The following THRB variants were observed in gnomAD, a reference collection of about 807,000 sequenced individuals.
THRB encodes the protein thyroid hormone receptor beta, also known as nuclear receptor subfamily 1 group A member 2.
THRB carries 12 observed loss-of-function variants against 47.8 expected under a neutral mutation model. That is an observed-to-expected ratio of 0.25 (90% CI 0.16 to 0.41). THRB has a LOEUF of 0.41. Ranked by LOEUF, THRB falls within the 10% of genes least tolerant of loss-of-function variation. The pLI is 1.00. For synonymous variants in THRB, 218 were observed against 212.2 expected (o/e 1.03, Z -0.24); for missense variants, 348 against 589.2 (o/e 0.59, Z 4.24).
intron 4 of THRB, 77 bp from the exon 5 acceptor site, chr3:24,190,411 C>T: frequency 6.4e-7 from 1 of 1,566,750 alleles, no homozygotes. Flanking sequence ...TTTTGGAAGG[C>T]AAGTTGTTTC....
chr3:24,456,755 C>T (rs557107788), intron 1 of THRB, among the ~76,000 whole-genome samples: 1 of 151,704 alleles, frequency 6.6e-6, no homozygotes, highest in Non-Finnish European at 1.5e-5. Context: ...AGATAGTATA[C>T]AATATCTTAT....
chr3:24,172,394 G>C (rs2149365024), intron 5 of THRB, among the ~76,000 whole-genome samples: 1 of 152,114 alleles, frequency 6.6e-6, no homozygotes, highest in South Asian at 2.1e-4. Flanking sequence ...GGGCCTCTTG[G>C]GCTCTTGAAT....
At chr3:24,349,329 T>G (rs75833326) in intron 1 of THRB, among the ~76,000 whole-genome samples, 1 of 152,016 alleles carries the variant, frequency 6.6e-6, no homozygotes, top group Admixed American at 6.6e-5. Context: ...AGTCTTGGGT[T>G]TTTTTTTCTG....
At chr3:24,469,771 A>G (rs1255071027) in intron 1 of THRB, among the ~76,000 whole-genome samples, 1 of 152,204 alleles carries the variant, frequency 6.6e-6, no homozygotes, top group East Asian at 1.9e-4. Context: ...CGCGTGGTAA[A>G]GAGTGAGGTA....
chr3:24,492,308 T>C (rs754109406), intron 1 of THRB, among the ~76,000 whole-genome samples: 3 of 152,034 alleles, frequency 2.0e-5, no homozygotes, highest in East Asian at 1.9e-4. Context: ...CAAGCATCAA[T>C]TGAAATGAAC....
chr3:24,471,907 T>C (rs1038612563), intron 1 of THRB, among the ~76,000 whole-genome samples: 1 of 152,188 alleles, frequency 6.6e-6, no homozygotes, highest in Admixed American at 6.5e-5. Flanking sequence ...GGCTTCCCTT[T>C]GTTCCTCCCT....
intron 10 of THRB, among the ~76,000 whole-genome samples, chr3:24,126,204 G>T (rs2032766204): frequency 6.6e-6 from 1 of 151,946 alleles, no homozygotes; most frequent in Admixed American, 6.6e-5. Flanking sequence ...ACCAGACTGG[G>T]CAACATAGTG....
At chr3:24,198,072 G>A (rs1336390924) in intron 4 of THRB, among the ~76,000 whole-genome samples, 2 of 152,146 alleles carry the variant, frequency 1.3e-5, no homozygotes, top group East Asian at 3.9e-4. Flanking sequence ...CAGTGCCTTT[G>A]AATCTACCCA....
At chr3:24,452,942 C>T (rs1288832902) in intron 1 of THRB, among the ~76,000 whole-genome samples, 1 of 136,600 alleles carries the variant, frequency 7.3e-6, no homozygotes, top group Non-Finnish European at 1.6e-5. Context: ...CTATCTCTGG[C>T]CCAGGATGCT....
intron 1 of THRB, among the ~76,000 whole-genome samples, chr3:24,424,987 A>G (rs2069618235): frequency 6.6e-6 from 1 of 151,906 alleles, no homozygotes; most frequent in African/African-American, 2.4e-5. Context: ...AACATATCAT[A>G]TTTTTGGTGT....
At chr3:24,342,153 C>CAAAACAAAATAAAAA (rs2062702086) in intron 1 of THRB, among the ~76,000 whole-genome samples, 1 of 138,880 alleles carries the variant, frequency 7.2e-6, no homozygotes. Context: ...CTGTTGCGCT[C>CAAAACAAAATAAAAA]AAAAAAAAAA....
chr3:24,476,795 GA>G (rs1348295508), intron 1 of THRB, among the ~76,000 whole-genome samples: 4 of 152,004 alleles, frequency 2.6e-5, no homozygotes, highest in Non-Finnish European at 5.9e-5. Flanking sequence ...CTAAAATTAA[GA>G]AAAAAATTAA....
rs181609528 is a variant in THRB at position 24,261,467 on chromosome 3, C to T, written c.-42-32466G>A. 2.2e-3 allele frequency among the ~76,000 whole-genome samples: 313 copies of T among 142,026 alleles called. 3 individuals are homozygous for T. Among genetic ancestry groups the T allele is most frequent in the African/African-American group, 8.0e-3 (303 of 38,010 alleles). The allele number at this position is 142,026 out of a possible 152,430, so 93.2% of individuals were successfully genotyped here. Reference sequence around the variant, plus strand: ...TGAGCGGAGATCGTGCCACTGCACTCCAGCCTGACAACAGAGCGCGATTCT... The same window carrying T: ...TGAGCGGAGATCGTGCCACTGCACTTCAGCCTGACAACAGAGCGCGATTCT... On this transcript the variant is annotated intron_variant, in intron 3 of 10. Coordinates refer to ENST00000646209, the MANE Select transcript of THRB (RefSeq NM_001354712.2).
intron 1 of THRB, among the ~76,000 whole-genome samples, chr3:24,425,424 A>G (rs2150332686): frequency 6.6e-6 from 1 of 152,068 alleles, no homozygotes; most frequent in East Asian, 1.9e-4. Context: ...ATTTTTAAAA[A>G]AATGTGAGTA....
chr3:24,481,090 A>G (rs1432946076), intron 1 of THRB, among the ~76,000 whole-genome samples: 1 of 152,140 alleles, frequency 6.6e-6, no homozygotes, highest in Non-Finnish European at 1.5e-5. Flanking sequence ...TTCCTTACAA[A>G]TCATCAGATT....
At chr3:24,299,776 TATTTATTTA>T (rs781147755) in intron 2 of THRB, among the ~76,000 whole-genome samples, 1,656 of 90,152 alleles carry the variant, frequency 0.018, 397 homozygotes, top group African/African-American at 0.065. Flanking sequence ...CTTTTTTATT[TATTTATTTA>T]TTTATTTTTT....
chr3:24,273,062 G>A (rs1271564010), intron 3 of THRB, among the ~76,000 whole-genome samples: 4 of 152,022 alleles, frequency 2.6e-5, no homozygotes, highest in Admixed American at 6.6e-5. Context: ...GGAAGAATCC[G>A]TGTGAAGCAT....
intron 1 of THRB, among the ~76,000 whole-genome samples, chr3:24,424,921 A>G (rs188453199): frequency 2.6e-5 from 4 of 151,992 alleles, no homozygotes; most frequent in African/African-American, 7.2e-5. Flanking sequence ...TTAATCTTCT[A>G]TTTCACACAC....
chr3:24,331,693 G>GTC (rs2061942132), intron 2 of THRB, among the ~76,000 whole-genome samples: 1 of 151,842 alleles, frequency 6.6e-6, no homozygotes, highest in African/African-American at 2.4e-5. Context: ...GTGTGTGTGT[G>GTC]TGTGTGTATG....
Sources: allele counts gnomAD v4.1 joint callset (sites outside exome capture counted in the v4.1 genomes callset), GRCh38; gene constraint gnomAD v4.1.1; transcripts MANE v1.5; gene names NCBI Gene and HGNC (gene_info 2026-07-23, HGNC 2026-07-21).